Variants in PHKB observed in about 807,000 individuals in gnomAD.
PHKB encodes phosphorylase b kinase regulatory subunit beta.
In PHKB, 122 loss-of-function variants were observed where a neutral mutation model predicts 152.1. The observed-to-expected ratio is 0.80, with a 90% CI of 0.69 to 0.93. The LOEUF (loss-of-function observed/expected upper bound fraction) is 0.93, where lower values mean the gene tolerates loss of function less well. Among genes scored for constraint, PHKB ranks in the 40% least tolerant of loss-of-function variants. The pLI is 0.00. For missense variants in PHKB, 1,304 were observed against 1,328.4 expected (o/e 0.98, Z 0.29); for synonymous variants, 436 against 464.9 (o/e 0.94, Z 0.80).
intron 1 of PHKB, among the ~76,000 whole-genome samples, chr16:47,486,604 C>T (rs1970053419): frequency 6.6e-6 from 1 of 152,166 alleles, no homozygotes; most frequent in African/African-American, 2.4e-5. Context: ...ATACAAGCCT[C>T]TTTCCTCTGC....
At chr16:47,658,640 A>G (rs989174382) in intron 20 of PHKB, among the ~76,000 whole-genome samples, 5 of 152,312 alleles carry the variant, frequency 3.3e-5, no homozygotes, top group Admixed American at 1.3e-4. Context: ...TACAGTATTC[A>G]GTACATGTTT....
rs925799294 is a variant in PHKB, at chr16:47,461,365, G to A, written c.15G>A (p.Ala5=). Residue 5 remains alanine (A), a synonymous_variant, in exon 1 of 31, where the codon GCG becomes GCA. Transcript: ENST00000323584. ...ACCGGAGCGCGATGGCGGGGGCGGC[G>A]GGACTCACGGCAGAAGTGAGCTGGA... is the stretch of plus-strand genomic sequence containing the variant. The part of the protein sequence containing the change: MAGA[A]GLTAEVSWKV... 6.2e-7 allele frequency: 1 copy of A among 1,611,456 alleles called. No homozygotes were observed. The highest frequency in any genetic ancestry group is 2.2e-5 in the East Asian group (1 of 44,798).
At chr16:47,580,144 G>T (rs990875946) in intron 7 of PHKB, 151 bp from the exon 8 acceptor site, 16 of 607,584 alleles carry the variant, frequency 2.6e-5, no homozygotes, top group Non-Finnish European at 4.1e-5. Context: ...ATAGTGAAAT[G>T]TCAGAATGAG....
intron 6 of PHKB, among the ~76,000 whole-genome samples, chr16:47,531,416 T>G (rs945645330): frequency 6.6e-6 from 1 of 152,206 alleles, no homozygotes; most frequent in African/African-American, 2.4e-5. Flanking sequence ...TTGTTTGACC[T>G]TATATGCTTA....
At chr16:47,644,719 A>C (rs1973085846) in intron 16 of PHKB, among the ~76,000 whole-genome samples, 1 of 152,218 alleles carries the variant, frequency 6.6e-6, no homozygotes, top group African/African-American at 2.4e-5. Flanking sequence ...AAGCACTAGA[A>C]TAAAAAAATA....
chr16:47,666,784 G>A (rs796484422), intron 25 of PHKB, among the ~76,000 whole-genome samples: 1 of 152,222 alleles, frequency 6.6e-6, no homozygotes, highest in Non-Finnish European at 1.5e-5. Flanking sequence ...AGCCTTGCAT[G>A]TGGGGTGTGG....
chr16:47,539,894 GTT>G lies in PHKB; in HGVS notation c.595-7537_595-7536del, dbSNP rs373324026. Among the ~76,000 whole-genome samples the G allele has an allele frequency of 5.9e-5, 9 of 152,252 alleles. No homozygotes were observed. The East Asian group carries it at 1.5e-3, about 26-fold the overall frequency. ...TGTACAAATTGATTGTAAAATGTGT[GTT>G]TGAACAATGTGAAATCAGTGCACCT... On this transcript the variant is annotated intron_variant, in intron 6 of 30. Transcript: ENST00000323584.
At chr16:47,691,329 T>A (rs1974055948) in intron 27 of PHKB, among the ~76,000 whole-genome samples, 1 of 152,172 alleles carries the variant, frequency 6.6e-6, no homozygotes, top group African/African-American at 2.4e-5. Context: ...TTGACAAAAT[T>A]TGAATTAGAT....
At chr16:47,552,831 A>T (rs930450925) in intron 7 of PHKB, among the ~76,000 whole-genome samples, 1 of 149,780 alleles carries the variant, frequency 6.7e-6, no homozygotes. Flanking sequence ...ACACACACAC[A>T]CCAAAAAACA....
chr16:47,616,776 G>A (rs1455176964), intron 14 of PHKB, among the ~76,000 whole-genome samples: 1 of 151,704 alleles, frequency 6.6e-6, no homozygotes, highest in African/African-American at 2.4e-5. Context: ...AATATAGAGT[G>A]TGGAGTGGGA....
chr16:47,615,383 G>A (rs145330054), intron 14 of PHKB, among the ~76,000 whole-genome samples: 2 of 152,154 alleles, frequency 1.3e-5, no homozygotes, highest in Non-Finnish European at 2.9e-5. Flanking sequence ...GCCCATCAGC[G>A]CTGTGGTTGT....
intron 28 of PHKB, 22 bp downstream of exon 28, chr16:47,693,529 A>G (rs1409002309): frequency 1.3e-5 from 21 of 1,613,540 alleles, no homozygotes; most frequent in Admixed American, 3.3e-5. Context: ...CCATGTTCAC[A>G]TAAAGAAAGG....
At chr16:47,612,031 A>T (rs1030333314) in intron 14 of PHKB, among the ~76,000 whole-genome samples, 1 of 152,164 alleles carries the variant, frequency 6.6e-6, no homozygotes, top group Admixed American at 6.5e-5. Flanking sequence ...ATAGTTTTTA[A>T]ATTTTTGCAT....
intron 1 of PHKB, among the ~76,000 whole-genome samples, chr16:47,495,803 A>T (rs1970222244): frequency 6.6e-6 from 1 of 152,158 alleles, no homozygotes; most frequent in Non-Finnish European, 1.5e-5. Context: ...GGAAAGGAGT[A>T]CTGATGTTCT....
intron 14 of PHKB, among the ~76,000 whole-genome samples, chr16:47,628,219 G>A (rs543391281): frequency 7.5e-4 from 114 of 152,194 alleles, no homozygotes; most frequent in Non-Finnish European, 1.4e-3. Flanking sequence ...ATTATTTTAT[G>A]CAATATAGGG....
At chr16:47,489,011 T>C (rs1020002004) in intron 1 of PHKB, among the ~76,000 whole-genome samples, 6 of 152,216 alleles carry the variant, frequency 3.9e-5, no homozygotes, top group Admixed American at 6.5e-5. Flanking sequence ...AGGAGTATCA[T>C]TGAATTTGTA....
Position 47,483,034 on chromosome 16 carries a change from CTTTTTT to C in PHKB, c.77-14349_77-14344del, listed in dbSNP as rs35429055. ...CCATGCCTGGCCTATTAAATAATTT[CTTTTTT>C]TTTTTTTTTTTTTTTGGAGACAGAG... On this transcript the variant is annotated intron_variant, in intron 1 of 30. Transcript: ENST00000323584. Among the ~76,000 whole-genome samples the C allele has an allele frequency of 1.6e-4, 15 of 91,850 alleles. No homozygotes were observed. In the East Asian group the frequency reaches 2.4e-3, roughly 15 times the overall value. The allele number at this position is 91,850 out of a possible 152,430, so 60.3% of individuals were successfully genotyped here. A position where few individuals can be genotyped will look rare whatever the true frequency, so the allele number is the denominator to read the frequency against.
At chr16:47,678,655 A>C (rs1446360804) in intron 26 of PHKB, among the ~76,000 whole-genome samples, 5 of 151,690 alleles carry the variant, frequency 3.3e-5, no homozygotes. Context: ...AGTTCATTGT[A>C]GATTCTGGAT....
intron 10 of PHKB, among the ~76,000 whole-genome samples, 185 bp downstream of exon 10, chr16:47,589,287 G>T (rs972184746): frequency 3.9e-5 from 6 of 152,150 alleles, no homozygotes; most frequent in African/African-American, 7.2e-5. Flanking sequence ...CCTATATCAT[G>T]AGGTTCTTAT....
Sources: allele counts gnomAD v4.1 joint callset (sites outside exome capture counted in the v4.1 genomes callset), GRCh38; gene constraint gnomAD v4.1.1; transcripts MANE v1.5; gene names NCBI Gene and HGNC (gene_info 2026-07-23, HGNC 2026-07-21).